Variants in CDK14 observed in about 807,000 individuals in gnomAD.
CDK14 encodes cyclin-dependent kinase 14.
A neutral mutation model predicts 60.7 loss-of-function variants in CDK14; 34 were observed. The observed-to-expected ratio is 0.56, with a 90% CI of 0.43 to 0.75. The LOEUF is 0.75. Ranked by LOEUF, CDK14 falls within the 30% of genes least tolerant of loss-of-function variation. The pLI is 0.00. For missense variants in CDK14, 482 were observed against 564.1 expected, an observed-to-expected ratio of 0.85 and a Z score of 1.47; for synonymous variants, 197 against 203.7, an observed-to-expected ratio of 0.97 and a Z score of 0.28.
chr7:90,780,951 A>G (rs903593537), intron 4 of CDK14, among the ~76,000 whole-genome samples: 1 of 151,862 alleles, frequency 6.6e-6, no homozygotes, highest in Non-Finnish European at 1.5e-5. Flanking sequence ...TGGTATTTCT[A>G]GTTCTAGATC....
At position 91,208,605 on chromosome 7, in the gene CDK14, A is replaced by T. The variant is rs1379624813; in HGVS notation, c.*1469A>T. On this transcript the variant is annotated 3_prime_UTR_variant, in exon 15 of 15. Transcript: ENST00000380050. ...GAAGGAGAGAATGAGTGAGTGCTTG[A>T]AATGTGTCATACTGTTTTAGGATCA... is the stretch of plus-strand genomic sequence containing the variant. 2 of 152,262 alleles carry T rather than the reference A, an allele frequency of 1.3e-5. No individual in the cohort carries two copies. The highest frequency in any genetic ancestry group is 4.8e-5 in the African/African-American group (2 of 41,468). The allele number at this position is 152,262 out of a possible 1,614,324, so 9.4% of individuals were successfully genotyped here. A position where few individuals can be genotyped will look rare whatever the true frequency, so the allele number is the denominator to read the frequency against.
At chr7:91,001,864 G>A (rs1049494743) in intron 10 of CDK14, among the ~76,000 whole-genome samples, 2 of 152,164 alleles carry the variant, frequency 1.3e-5, no homozygotes, top group Non-Finnish European at 2.9e-5. Context: ...CTTTGTCTTT[G>A]CATTACACTA....
At chr7:90,790,075 A>G (rs1562771019) in intron 4 of CDK14, among the ~76,000 whole-genome samples, 1 of 146,020 alleles carries the variant, frequency 6.8e-6, no homozygotes, top group African/African-American at 2.5e-5. Context: ...AAAAAGAAAA[A>G]AAAACAAAAA....
intron 8 of CDK14, among the ~76,000 whole-genome samples, chr7:90,920,747 T>G (rs1188393933): frequency 6.6e-6 from 1 of 152,232 alleles, no homozygotes. Context: ...TAGATTACAC[T>G]GGTACAAAAA....
chr7:91,057,982 T>C (rs1797641046), intron 11 of CDK14, among the ~76,000 whole-genome samples: 1 of 152,154 alleles, frequency 6.6e-6, no homozygotes, highest in African/African-American at 2.4e-5. Context: ...ATTGAATCTA[T>C]AAATTACCTT....
chr7:91,086,997 C>CTACA (rs1409276300), intron 12 of CDK14, among the ~76,000 whole-genome samples: 2 of 152,142 alleles, frequency 1.3e-5, no homozygotes, highest in Non-Finnish European at 2.9e-5. Flanking sequence ...TCATGGCTCA[C>CTACA]TACAGCCTTG....
At chr7:90,665,860 C>T (rs1402633543) in intron 2 of CDK14, among the ~76,000 whole-genome samples, 1 of 152,166 alleles carries the variant, frequency 6.6e-6, no homozygotes, top group Non-Finnish European at 1.5e-5. Context: ...TTTAGCAAAT[C>T]AGTTCTGATA....
chr7:90,831,079 C>G (rs1271107936), intron 5 of CDK14, among the ~76,000 whole-genome samples: 3 of 152,202 alleles, frequency 2.0e-5, no homozygotes, highest in Non-Finnish European at 4.4e-5. Context: ...GTCCATTACC[C>G]AGTTCCAAAG....
intron 6 of CDK14, among the ~76,000 whole-genome samples, chr7:90,881,078 G>A (rs974823518): frequency 6.6e-6 from 1 of 152,164 alleles, no homozygotes; most frequent in Non-Finnish European, 1.5e-5. Context: ...ACAAAGAACT[G>A]GGTGGGGGAG....
intron 4 of CDK14, among the ~76,000 whole-genome samples, chr7:90,754,436 A>G (rs1295265629): frequency 1.3e-5 from 2 of 152,180 alleles, no homozygotes; most frequent in African/African-American, 4.8e-5. Context: ...TATGCAGGAG[A>G]ATGAAAGTGG....
chr7:91,139,665 G>A (rs1192848317), intron 14 of CDK14, among the ~76,000 whole-genome samples: 1 of 152,144 alleles, frequency 6.6e-6, no homozygotes, highest in Non-Finnish European at 1.5e-5. Context: ...ATGTTCCTTG[G>A]TATTTTTAGA....
chr7:90,667,173 T>A (rs1800998886), intron 2 of CDK14, among the ~76,000 whole-genome samples: 1 of 152,254 alleles, frequency 6.6e-6, no homozygotes, highest in Non-Finnish European at 1.5e-5. Flanking sequence ...ATAGTCATCA[T>A]TGTACATCTT....
At chr7:90,685,200 G>T in intron 2 of CDK14, among the ~76,000 whole-genome samples, 1 of 151,914 alleles carries the variant, frequency 6.6e-6, no homozygotes, top group East Asian at 1.9e-4. Context: ...CTTTCTGGTT[G>T]TCTCAGTAGC....
intron 2 of CDK14, among the ~76,000 whole-genome samples, chr7:90,606,361 T>C (rs377146452): frequency 6.6e-6 from 1 of 152,210 alleles, no homozygotes; most frequent in South Asian, 2.1e-4. Flanking sequence ...TATCTTTCCT[T>C]TAAGGGTTAA....
intron 8 of CDK14, among the ~76,000 whole-genome samples, chr7:90,935,402 A>G (rs935762213): frequency 2.0e-5 from 3 of 152,220 alleles, no homozygotes; most frequent in African/African-American, 7.2e-5. Context: ...GCTATCAGAA[A>G]GGGTTATTTT....
intron 10 of CDK14, among the ~76,000 whole-genome samples, chr7:91,039,479 T>C (rs528155252): frequency 1.3e-5 from 2 of 152,186 alleles, no homozygotes; most frequent in South Asian, 4.2e-4. Flanking sequence ...AAAACGTGGG[T>C]CCCCTCCACC....
At chr7:90,756,051 G>C (rs1247261746) in intron 4 of CDK14, among the ~76,000 whole-genome samples, 1 of 152,190 alleles carries the variant, frequency 6.6e-6, no homozygotes, top group Non-Finnish European at 1.5e-5. Context: ...CAGGTAGTTA[G>C]TGGCAAAGTT....
intron 14 of CDK14, among the ~76,000 whole-genome samples, chr7:91,170,439 T>C (rs2724347): frequency 0.36 from 54,318 of 152,072 alleles, 11,656 homozygotes; most frequent in Non-Finnish European, 0.5. Flanking sequence ...AATAAATCAA[T>C]GTGGGTGTGT....
At position 91,093,903 on chromosome 7, in the gene CDK14, G is replaced by A. The variant is rs553266786; in HGVS notation, c.1154+14423G>A. On this transcript the variant is annotated intron_variant, in intron 12 of 14. Transcript: ENST00000380050. ...ATGGATGCAGCTGGAGGCCATTAAT[G>A]TTAAGTATATTAACATAGGAACAGA... Among the ~76,000 whole-genome samples, 9 of 152,240 alleles carry A rather than the reference G, an allele frequency of 5.9e-5. No homozygotes were observed. The South Asian group carries it at 1.7e-3, about 28-fold the overall frequency.
Sources: allele counts gnomAD v4.1 joint callset (sites outside exome capture counted in the v4.1 genomes callset), GRCh38; gene constraint gnomAD v4.1.1; transcripts MANE v1.5; gene names NCBI Gene and HGNC (gene_info 2026-07-23, HGNC 2026-07-21).